Variants in GBE1 observed in about 807,000 individuals in gnomAD.
GBE1 encodes the protein 1,4-alpha-glucan-branching enzyme.
In GBE1, 70 loss-of-function variants were observed where a neutral mutation model predicts 88.8. The ratio of observed to expected loss-of-function variants is 0.79; its 90% confidence interval spans 0.65 to 0.96. The LOEUF (loss-of-function observed/expected upper bound fraction) is 0.96, where lower values mean the gene tolerates loss of function less well. Ranked by LOEUF, GBE1 falls within the 40% of genes least tolerant of loss-of-function variation. The pLI is 0.00. For missense variants in GBE1, 872 were observed against 871.0 expected (o/e 1.00, Z -0.01); for synonymous variants, 284 against 300.1 (o/e 0.95, Z 0.56).
At chr3:81,655,562 G>A (rs917032613) in intron 3 of GBE1, among the ~76,000 whole-genome samples, 21 of 152,014 alleles carry the variant, frequency 1.4e-4, no homozygotes, top group Non-Finnish European at 2.9e-4. Context: ...TGTCGCCCAG[G>A]CTAGAATGCA....
In GBE1 at chr3:81,594,579, A is replaced by G. The variant is rs529691521; in HGVS notation, c.993-556T>C. The stretch of plus-strand genomic sequence containing the variant: ...TGATTCAGAATAAAAAGTAAAAGAT[A>G]AAAACAGAAAATCAACCACATGGTA... On this transcript the variant is annotated intron_variant, in intron 7 of 15. Transcript: ENST00000429644. Among the ~76,000 whole-genome samples the G allele has an allele frequency of 2.5e-3, 382 of 152,246 alleles. 1 individual carries two copies. The highest frequency in any genetic ancestry group is 5.6e-3 in the South Asian group (27 of 4,828).
chr3:81,490,344 T>C lies in GBE1; in HGVS notation c.*63A>G, dbSNP rs1268395412. 1.6e-6 allele frequency: 2 copies of C among 1,260,612 alleles called. No individual in the cohort carries two copies. The highest frequency in any genetic ancestry group is 2.3e-5 in the East Asian group (1 of 43,266). The allele number at this position is 1,260,612 out of a possible 1,614,324, so 78.1% of individuals were successfully genotyped here. On this transcript the variant is annotated 3_prime_UTR_variant, in exon 16 of 16. Coordinates refer to ENST00000429644, the MANE Select transcript of GBE1 (RefSeq NM_000158.4). The stretch of plus-strand genomic sequence containing the variant: ...AAAAGCATACATGTTATAAGCTGTG[T>C]GACAGTGATAACAAGAAAACAAAAC...
At chr3:81,536,583 A>G (rs967751197) in intron 13 of GBE1, among the ~76,000 whole-genome samples, 1 of 152,052 alleles carries the variant, frequency 6.6e-6, no homozygotes, top group African/African-American at 2.4e-5. Flanking sequence ...AGTGTTCCAA[A>G]CAATTAAGAT....
intron 2 of GBE1, among the ~76,000 whole-genome samples, chr3:81,691,154 T>C (rs143835128): frequency 2.0e-5 from 3 of 152,282 alleles, no homozygotes; most frequent in Non-Finnish European, 4.4e-5. Flanking sequence ...CATGCCTTCT[T>C]GTTCAGCCTC....
At chr3:81,659,388 T>A (rs544001742) in intron 3 of GBE1, among the ~76,000 whole-genome samples, 14 of 151,786 alleles carry the variant, frequency 9.2e-5, no homozygotes, top group Admixed American at 5.3e-4. Context: ...CAGGCTGGAG[T>A]GCAGTGGCGT....
chr3:81,635,465 G>C (rs973991149), intron 7 of GBE1, among the ~76,000 whole-genome samples: 2 of 152,098 alleles, frequency 1.3e-5, no homozygotes, highest in African/African-American at 4.8e-5. Flanking sequence ...TTTTCTGAAA[G>C]TAAGTGACTC....
chr3:81,743,609 G>A, intron 1 of GBE1: 1 of 1,534,784 alleles, frequency 6.5e-7, no homozygotes, highest in Non-Finnish European at 8.7e-7. Flanking sequence ...CTGTTAATCT[G>A]GGCCGAATCC....
intron 1 of GBE1, among the ~76,000 whole-genome samples, chr3:81,718,706 G>A (rs187100917): frequency 6.6e-6 from 1 of 151,976 alleles, no homozygotes; most frequent in African/African-American, 2.4e-5. Context: ...GCACAATCTT[G>A]GCTCACCGCA....
chr3:81,649,721 A>G (rs1704817870), intron 4 of GBE1, 75 bp downstream of exon 4: 3 of 1,267,344 alleles, frequency 2.4e-6, no homozygotes, highest in Non-Finnish European at 3.3e-6. Context: ...CATTACTATA[A>G]AAGTTATAAA....
intron 12 of GBE1, among the ~76,000 whole-genome samples, chr3:81,538,054 C>T (rs979123482): frequency 1.3e-5 from 2 of 151,784 alleles, no homozygotes; most frequent in Non-Finnish European, 2.9e-5. Flanking sequence ...AAATTAAATG[C>T]TACTTTCCAA....
chr3:81,649,354 C>T (rs907873534), intron 4 of GBE1, among the ~76,000 whole-genome samples: 4 of 151,988 alleles, frequency 2.6e-5, no homozygotes, highest in Non-Finnish European at 4.4e-5. Context: ...TTCAAACAAT[C>T]ACAGAACACT....
chr3:81,527,982 G>A (rs551761741), intron 14 of GBE1, among the ~76,000 whole-genome samples: 1 of 152,078 alleles, frequency 6.6e-6, no homozygotes, highest in South Asian at 2.1e-4. Context: ...GTCCAACAAT[G>A]ATAGACTGGA....
At chr3:81,731,763 T>G (rs1706190102) in intron 1 of GBE1, among the ~76,000 whole-genome samples, 1 of 152,078 alleles carries the variant, frequency 6.6e-6, no homozygotes. Context: ...CTCCTTCCTC[T>G]TCACCTTCCG....
chr3:81,661,372 G>A (rs1705029045), intron 3 of GBE1, among the ~76,000 whole-genome samples: 1 of 152,100 alleles, frequency 6.6e-6, no homozygotes, highest in Non-Finnish European at 1.5e-5. Context: ...TAATTTTTTA[G>A]ATAATGGTGA....
intron 3 of GBE1, among the ~76,000 whole-genome samples, chr3:81,659,013 T>A (rs779181868): frequency 6.6e-6 from 1 of 152,088 alleles, no homozygotes; most frequent in Non-Finnish European, 1.5e-5. Context: ...AAGATCAATA[T>A]CGTAATAAAA....
At chr3:81,706,505 C>T (rs1391348217) in intron 1 of GBE1, among the ~76,000 whole-genome samples, 1 of 152,118 alleles carries the variant, frequency 6.6e-6, no homozygotes, top group Non-Finnish European at 1.5e-5. Context: ...TGCTCTATGT[C>T]AGAAGTGAAG....
intron 7 of GBE1, among the ~76,000 whole-genome samples, chr3:81,624,098 C>A (rs968107301): frequency 6.6e-6 from 1 of 152,058 alleles, no homozygotes; most frequent in Non-Finnish European, 1.5e-5. Flanking sequence ...GCTGGGGAGG[C>A]CTCAGGAAAC....
intron 10 of GBE1, among the ~76,000 whole-genome samples, chr3:81,582,260 C>G (rs376478186): frequency 5.3e-5 from 8 of 152,070 alleles, no homozygotes; most frequent in African/African-American, 1.9e-4. Flanking sequence ...ACAACCTAAT[C>G]CACGAGCATC....
chr3:81,613,953 C>T (rs1704215079), intron 7 of GBE1, among the ~76,000 whole-genome samples: 1 of 151,158 alleles, frequency 6.6e-6, no homozygotes, highest in African/African-American at 2.4e-5. Context: ...AAAAAAAAAC[C>T]CTTAAAACTA....
Sources: allele counts gnomAD v4.1 joint callset (sites outside exome capture counted in the v4.1 genomes callset), GRCh38; gene constraint gnomAD v4.1.1; transcripts MANE v1.5; gene names NCBI Gene and HGNC (gene_info 2026-07-23, HGNC 2026-07-21).